FAM110B: variants seen among roughly 807,000 people sequenced by gnomAD.
The protein encoded by FAM110B is protein FAM110B.
Under a neutral mutation model 20.4 loss-of-function variants are expected in FAM110B, and 6 were observed. The observed-to-expected ratio is 0.29, with a 90% CI of 0.16 to 0.58. The LOEUF (loss-of-function observed/expected upper bound fraction) is 0.58. Among genes scored for constraint, FAM110B ranks in the 20% least tolerant of loss-of-function variants. FAM110B has a pLI of 0.90. For missense variants in FAM110B, 434 were observed against 498.2 expected (o/e 0.87, Z 1.23); for synonymous variants, 226 against 214.1 (o/e 1.06, Z -0.49).
chr8:58,069,814 T>G (rs1805848807), intron 2 of FAM110B, among the ~76,000 whole-genome samples: 6 of 152,344 alleles, frequency 3.9e-5, no homozygotes, highest in African/African-American at 1.4e-4. Context: ...TTTTATTATT[T>G]ATTCTTAATG....
intron 3 of FAM110B, among the ~76,000 whole-genome samples, chr8:58,137,062 T>G (rs1803636082): frequency 6.6e-6 from 1 of 152,212 alleles, no homozygotes; most frequent in Non-Finnish European, 1.5e-5. Context: ...TCTCTGTAAC[T>G]CAAATAAAAA....
At chr8:57,995,902 A>C (rs1236623805) in intron 1 of FAM110B, among the ~76,000 whole-genome samples, 1 of 152,218 alleles carries the variant, frequency 6.6e-6, no homozygotes, top group Non-Finnish European at 1.5e-5. Flanking sequence ...TCTATTTCTC[A>C]AAAGGGAATA....
chr8:58,095,763 T>C (rs1413785424), intron 3 of FAM110B, among the ~76,000 whole-genome samples: 1 of 152,168 alleles, frequency 6.6e-6, no homozygotes, highest in African/African-American at 2.4e-5. Flanking sequence ...GTCTGCTTGG[T>C]CCAGAGCTGA....
intron 3 of FAM110B, among the ~76,000 whole-genome samples, chr8:58,092,318 C>T (rs1192590264): frequency 6.6e-6 from 1 of 152,080 alleles, no homozygotes; most frequent in Non-Finnish European, 1.5e-5. Context: ...CATAGGTACA[C>T]ATGTGCCATG....
intron 1 of FAM110B, among the ~76,000 whole-genome samples, chr8:58,008,495 C>G (rs1804460899): frequency 6.6e-6 from 1 of 152,052 alleles, no homozygotes; most frequent in African/African-American, 2.4e-5. Context: ...TGGTGTACAG[C>G]TTGGTATTTG....
intron 3 of FAM110B, chr8:58,100,792 A>C (rs545525036): frequency 1.3e-5 from 2 of 152,322 alleles, no homozygotes; most frequent in South Asian, 4.1e-4. Context: ...GTTATAGTAC[A>C]ATGCATTCTG....
At chr8:58,038,570 G>GGT (rs763002426) in intron 2 of FAM110B, among the ~76,000 whole-genome samples, 2 of 152,132 alleles carry the variant, frequency 1.3e-5, no homozygotes, top group African/African-American at 2.4e-5. Context: ...TGGCCAACAT[G>GGT]GTGAAACCCC....
At chr8:58,018,953 T>G (rs1437535186) in intron 1 of FAM110B, among the ~76,000 whole-genome samples, 1 of 152,236 alleles carries the variant, frequency 6.6e-6, no homozygotes, top group Non-Finnish European at 1.5e-5. Flanking sequence ...CTCCTGTCCT[T>G]TGTGCTGTTC....
chr8:58,003,997 G>T (rs956803233), intron 1 of FAM110B, among the ~76,000 whole-genome samples: 21 of 152,040 alleles, frequency 1.4e-4, no homozygotes, highest in African/African-American at 5.1e-4. Flanking sequence ...TGGCACCAGG[G>T]ACCAGTTTTG....
intron 2 of FAM110B, among the ~76,000 whole-genome samples, chr8:58,040,887 G>A (rs1805200870): frequency 6.8e-6 from 1 of 147,944 alleles, no homozygotes; most frequent in Non-Finnish European, 1.5e-5. Flanking sequence ...AGTGATAAAT[G>A]TGATAAATGT....
At chr8:58,063,391 T>C (rs1335334202) in intron 2 of FAM110B, among the ~76,000 whole-genome samples, 1 of 152,212 alleles carries the variant, frequency 6.6e-6, no homozygotes, top group Non-Finnish European at 1.5e-5. Context: ...CCTCAGACCT[T>C]TCCTATGTGT....
intron 1 of FAM110B, among the ~76,000 whole-genome samples, chr8:57,996,239 T>A (rs1011186011): frequency 2.0e-5 from 3 of 152,364 alleles, no homozygotes; most frequent in Non-Finnish European, 4.4e-5. Flanking sequence ...AGTCACTAAT[T>A]GAACAGAGAG....
intron 3 of FAM110B, among the ~76,000 whole-genome samples, chr8:58,140,402 C>T (rs1803713668): frequency 6.6e-6 from 1 of 152,188 alleles, no homozygotes; most frequent in Non-Finnish European, 1.5e-5. Context: ...TCCCCATTTT[C>T]CAGATGGGAA....
At chr8:58,074,584 A>G (rs972200080) in intron 2 of FAM110B, among the ~76,000 whole-genome samples, 4 of 152,180 alleles carry the variant, frequency 2.6e-5, no homozygotes, top group Admixed American at 6.5e-5. Context: ...TATAAACTCC[A>G]TGAGATCAGA....
At chr8:58,139,708 A>C (rs11779648) in intron 3 of FAM110B, among the ~76,000 whole-genome samples, 40,817 of 152,092 alleles carry the variant, frequency 0.27, 5,956 homozygotes, top group Middle Eastern at 0.39. Context: ...TGGGTGGATC[A>C]TGAGGTCAGG....
At chr8:58,006,901 GTATATATA>G (rs761091750) in intron 1 of FAM110B, among the ~76,000 whole-genome samples, 17 of 97,548 alleles carry the variant, frequency 1.7e-4, no homozygotes, top group South Asian at 1.1e-3. Context: ...GGCTTAATTG[GTATATATA>G]TATATATATA....
chr8:58,008,605 C>G (rs559473967), intron 1 of FAM110B, among the ~76,000 whole-genome samples: 5 of 152,320 alleles, frequency 3.3e-5, no homozygotes, highest in South Asian at 2.1e-4. Context: ...TCAGAATCCT[C>G]TCTTCTAGCT....
Position 58,146,255 on chromosome 8 carries a change from G to T in FAM110B, c.25G>T (p.Gly9Cys), listed in dbSNP as rs1455312721. Residue 9 changes from glycine (G) to cysteine (C), a missense_variant, in exon 4 of 4, where the codon GGT becomes TGT. Transcript: ENST00000519262. MPTETLQT[G>C]SMVKPVSPAG... The stretch of plus-strand genomic sequence containing the variant: ...CATGCCCACGGAGACCCTACAGACA[G>T]GTAGCATGGTGAAGCCGGTCAGCCC... The T allele has an allele frequency of 6.2e-7, 1 of 1,609,748 alleles. No individual in the cohort carries two copies. Among genetic ancestry groups the T allele is most frequent in the African/African-American group, 1.3e-5 (1 of 74,850 alleles).
At chr8:58,057,226 C>T (rs750222615) in intron 2 of FAM110B, among the ~76,000 whole-genome samples, 7 of 152,136 alleles carry the variant, frequency 4.6e-5, no homozygotes, top group Admixed American at 1.3e-4. Flanking sequence ...GTGAGAGCAC[C>T]GGACAGACGA....
Sources: gnomAD v4.1 joint callset for allele counts (sites outside exome capture counted in the v4.1 genomes callset) on GRCh38, gnomAD v4.1.1 for gene constraint, MANE v1.5 for transcripts, NCBI Gene and HGNC (gene_info 2026-07-23, HGNC 2026-07-21) for gene names.